Variants in AGBL1 observed in about 807,000 individuals in gnomAD.
The protein encoded by AGBL1 is AGBL carboxypeptidase 1, also known as cytosolic carboxypeptidase 4.
AGBL1 carries 130 observed loss-of-function variants against 118.9 expected under a neutral mutation model. The observed-to-expected ratio is 1.09, with a 90% CI of 0.95 to 1.26. The LOEUF (loss-of-function observed/expected upper bound fraction) is 1.26, where lower values mean the gene tolerates loss of function less well. Among genes scored for constraint, AGBL1 ranks in the 50% most tolerant of loss-of-function variants. The probability of loss-of-function intolerance (pLI) is 0.00; values close to 1 mark genes in which losing one functional copy is unlikely to be tolerated. For missense variants in AGBL1, 1,584 were observed against 1,298.1 expected, an observed-to-expected ratio of 1.22 and a Z score of -3.38; for synonymous variants, 555 against 478.9, an observed-to-expected ratio of 1.16 and a Z score of -2.08.
intron 22 of AGBL1, among the ~76,000 whole-genome samples, chr15:86,895,403 T>A (rs1356193940): frequency 1.3e-5 from 2 of 151,798 alleles, no homozygotes; most frequent in Non-Finnish European, 2.9e-5. Flanking sequence ...TTTAGTTTTT[T>A]TTTTTTTAAT....
intron 21 of AGBL1, among the ~76,000 whole-genome samples, chr15:86,620,391 A>G (rs1057256999): frequency 9.2e-5 from 14 of 152,210 alleles, no homozygotes; most frequent in Non-Finnish European, 2.1e-4. Context: ...TCACGCTGTC[A>G]GGAGGTTGCG....
At chr15:86,751,814 AG>A (rs1420909953) in intron 22 of AGBL1, among the ~76,000 whole-genome samples, 1 of 152,102 alleles carries the variant, frequency 6.6e-6, no homozygotes, top group African/African-American at 2.4e-5. Context: ...AGAAATGAAA[AG>A]GTTTATTATT....
chr15:86,454,041 G>T (rs911928026), intron 18 of AGBL1, among the ~76,000 whole-genome samples: 1 of 152,102 alleles, frequency 6.6e-6, no homozygotes, highest in Non-Finnish European at 1.5e-5. Context: ...ACCCATCTGT[G>T]TGACTTTTTC....
chr15:86,956,662 T>C (rs2080934859), intron 23 of AGBL1, among the ~76,000 whole-genome samples: 1 of 152,148 alleles, frequency 6.6e-6, no homozygotes, highest in South Asian at 2.1e-4. Context: ...TAGTCACACA[T>C]TAAAAAATAG....
chr15:86,132,662 C>A (rs1026391233), intron 1 of AGBL1, among the ~76,000 whole-genome samples: 1 of 152,148 alleles, frequency 6.6e-6, no homozygotes, highest in Non-Finnish European at 1.5e-5. Context: ...ACCTTTTAGG[C>A]ATGTGAGGTT....
intron 17 of AGBL1, chr15:86,305,022 T>G (rs2079816641): frequency 1.3e-5 from 2 of 152,178 alleles, no homozygotes; most frequent in African/African-American, 4.8e-5. Flanking sequence ...CCTTTCTCTT[T>G]CAGGATTCTT....
chr15:86,834,578 G>A (rs1428179410), intron 22 of AGBL1, among the ~76,000 whole-genome samples: 2 of 152,132 alleles, frequency 1.3e-5, no homozygotes, highest in African/African-American at 2.4e-5. Flanking sequence ...GGCATGTGTG[G>A]ATCTGAGTGC....
Position 86,143,731 on chromosome 15 carries a change from A to C in AGBL1, c.148A>C (p.Lys50Gln), listed in dbSNP as rs2076995161. The C allele has an allele frequency of 6.2e-7, 1 of 1,613,874 alleles. No individual in the cohort carries two copies. Among genetic ancestry groups the C allele is most frequent in the Non-Finnish European group, 8.5e-7 (1 of 1,179,776 alleles). ...TDRRIHYMIS[K>Q]GGSEALLQTL... ...CCGGAGAATTCACTACATGATCAGC[A>C]AGGGTGGCAGTGAAGCTCTTCTGCA... The change falls in exon 3 of 23, where the codon AAG becomes CAG. Residue 50 changes from lysine to glutamine, a missense_variant. Lys to Gln is a moderately conservative substitution (Grantham distance 53). Transcript: ENST00000614907.
intron 22 of AGBL1, among the ~76,000 whole-genome samples, chr15:86,763,170 C>T (rs980254873): frequency 2.6e-5 from 4 of 151,874 alleles, no homozygotes; most frequent in Admixed American, 6.6e-5. Flanking sequence ...ACAACAACAA[C>T]AAAAACTATA....
chr15:86,187,752 G>C (rs1597513345), intron 5 of AGBL1, among the ~76,000 whole-genome samples: 1 of 152,178 alleles, frequency 6.6e-6, no homozygotes, highest in Non-Finnish European at 1.5e-5. Flanking sequence ...GACTTTCACT[G>C]CTCAACCAAT....
intron 14 of AGBL1, 67 bp from the exon 15 acceptor site, chr15:86,271,552 G>C: frequency 1.7e-6 from 2 of 1,201,176 alleles, no homozygotes; most frequent in Non-Finnish European, 2.5e-6. Flanking sequence ...GTGTATGTGG[G>C]GGTCATTATT....
At chr15:86,458,653 T>A (rs956698928) in intron 18 of AGBL1, among the ~76,000 whole-genome samples, 1 of 152,196 alleles carries the variant, frequency 6.6e-6, no homozygotes, top group African/African-American at 2.4e-5. Context: ...AATAATTGTA[T>A]GTGAGCAATA....
At chr15:86,920,492 G>A (rs1228809206), downstream of AGBL1, among the ~76,000 whole-genome samples, 1 of 152,122 alleles carries the variant, frequency 6.6e-6, no homozygotes, top group South Asian at 2.1e-4. Context: ...CATAGTCAGG[G>A]CCTCTATCCA....
chr15:86,540,648 C>T (rs1022856409), intron 19 of AGBL1, among the ~76,000 whole-genome samples: 1 of 152,064 alleles, frequency 6.6e-6, no homozygotes, highest in Non-Finnish European at 1.5e-5. Flanking sequence ...TTCTGCTTAC[C>T]TGTTAAAGAA....
At chr15:86,291,452 T>A (rs2079544079) in intron 16 of AGBL1, among the ~76,000 whole-genome samples, 1 of 152,136 alleles carries the variant, frequency 6.6e-6, no homozygotes, top group Non-Finnish European at 1.5e-5. Flanking sequence ...GCAAGTGTCA[T>A]TCTATGCAAC....
chr15:86,511,568 C>T (rs956153245), intron 18 of AGBL1, among the ~76,000 whole-genome samples: 9 of 151,998 alleles, frequency 5.9e-5, no homozygotes, highest in African/African-American at 1.9e-4. Flanking sequence ...AGGCAGGTTA[C>T]TTAACATCTG....
chr15:86,292,793 G>A (rs2079568141), intron 16 of AGBL1, among the ~76,000 whole-genome samples: 1 of 152,208 alleles, frequency 6.6e-6, no homozygotes, highest in African/African-American at 2.4e-5. Context: ...TTGGCTCAAA[G>A]ATGGGTTGAT....
intron 22 of AGBL1, among the ~76,000 whole-genome samples, chr15:86,718,482 A>C (rs776078629): frequency 6.6e-6 from 1 of 152,186 alleles, no homozygotes; most frequent in Non-Finnish European, 1.5e-5. Flanking sequence ...ACAGGTAGAC[A>C]TGTAACAAAC....
At chr15:86,496,288 A>G (rs756170730) in intron 18 of AGBL1, among the ~76,000 whole-genome samples, 4 of 152,044 alleles carry the variant, frequency 2.6e-5, no homozygotes, top group African/African-American at 7.2e-5. Context: ...GCCTTGTACC[A>G]TGACTATAAG....
Sources: allele counts gnomAD v4.1 joint callset (sites outside exome capture counted in the v4.1 genomes callset), GRCh38; gene constraint gnomAD v4.1.1; transcripts MANE v1.5; gene names NCBI Gene and HGNC (gene_info 2026-07-23, HGNC 2026-07-21).